The following STPG2 variants were observed in gnomAD, a reference collection of about 807,000 sequenced individuals.
The protein encoded by STPG2 is sperm-tail PG-rich repeat-containing protein 2.
A neutral mutation model predicts 54.2 loss-of-function variants in STPG2; 56 were observed. The ratio of observed to expected loss-of-function variants is 1.03; its 90% CI spans 0.83 to 1.29. STPG2 has a LOEUF of 1.29. Among genes scored for constraint, STPG2 ranks in the 50% most tolerant of loss-of-function variants. The probability of loss-of-function intolerance (pLI) is 0.00; values close to 1 mark genes in which losing one functional copy is unlikely to be tolerated. For synonymous variants in STPG2, 200 were observed against 181.8 expected, an observed-to-expected ratio of 1.10 and a Z score of -0.81; for missense variants, 596 against 544.9, an observed-to-expected ratio of 1.09 and a Z score of -0.93.
At chr4:97,901,428 T>C (rs1042859033) in intron 8 of STPG2, among the ~76,000 whole-genome samples, 3 of 151,944 alleles carry the variant, frequency 2.0e-5, no homozygotes, top group Non-Finnish European at 4.4e-5. Context: ...TTCTTACATA[T>C]AGAAAGCTCT....
At chr4:97,741,836 C>T (rs1368288547) in intron 9 of STPG2, among the ~76,000 whole-genome samples, 3 of 152,056 alleles carry the variant, frequency 2.0e-5, no homozygotes, top group Non-Finnish European at 4.4e-5. Context: ...ACTAGAAATA[C>T]CATTTGACCA....
chr4:98,001,646 C>G (rs574951758), intron 5 of STPG2, among the ~76,000 whole-genome samples: 1 of 152,216 alleles, frequency 6.6e-6, no homozygotes, highest in South Asian at 2.1e-4. Context: ...ACAGAGAATT[C>G]AAATGCCTGC....
intron 5 of STPG2, among the ~76,000 whole-genome samples, chr4:98,098,687 G>C (rs1738932751): frequency 6.6e-6 from 1 of 152,080 alleles, no homozygotes; most frequent in Non-Finnish European, 1.5e-5. Flanking sequence ...TGAAGAGACA[G>C]CTCACAGAAT....
intron 5 of STPG2, among the ~76,000 whole-genome samples, chr4:98,034,629 C>T (rs1240975074): frequency 1.3e-5 from 2 of 152,134 alleles, no homozygotes; most frequent in Non-Finnish European, 2.9e-5. Context: ...AAAAAAGAGC[C>T]CTCATAGACA....
intron 9 of STPG2, among the ~76,000 whole-genome samples, chr4:97,733,246 A>T (rs1724864945): frequency 6.6e-6 from 1 of 152,212 alleles, no homozygotes; most frequent in South Asian, 2.1e-4. Flanking sequence ...CACCACGGAA[A>T]ACTATTCAGC....
intron 4 of STPG2, among the ~76,000 whole-genome samples, chr4:97,525,088 A>G (rs1731255078): frequency 6.6e-6 from 1 of 151,954 alleles, no homozygotes; most frequent in South Asian, 2.1e-4. Context: ...TGAAGATGTT[A>G]TTTATAAAAG....
chr4:97,764,329 T>C (rs1422385053), intron 9 of STPG2, among the ~76,000 whole-genome samples: 1 of 152,116 alleles, frequency 6.6e-6, no homozygotes, highest in Non-Finnish European at 1.5e-5. Flanking sequence ...TACTTCAGTT[T>C]GCAATTAGAA....
chr4:97,946,282 A>G (rs1490509660), intron 7 of STPG2, among the ~76,000 whole-genome samples: 1 of 152,058 alleles, frequency 6.6e-6, no homozygotes, highest in Non-Finnish European at 1.5e-5. Flanking sequence ...TTCCTTGTAG[A>G]TTCTGCATAT....
chr4:97,598,064 A>T (rs1175167911), intron 10 of STPG2, among the ~76,000 whole-genome samples: 1 of 152,158 alleles, frequency 6.6e-6, no homozygotes, highest in Non-Finnish European at 1.5e-5. Flanking sequence ...AATAATGTAC[A>T]AAATCAGTAG....
chr4:97,974,917 GATGA>G (rs1477015745), intron 6 of STPG2, among the ~76,000 whole-genome samples: 2 of 152,098 alleles, frequency 1.3e-5, no homozygotes, highest in Admixed American at 1.3e-4. Context: ...TCCATCAGCT[GATGA>G]ATAAGTAAAC....
At chr4:97,842,857 T>G (rs1463857080) in intron 8 of STPG2, among the ~76,000 whole-genome samples, 1 of 151,914 alleles carries the variant, frequency 6.6e-6, no homozygotes, top group African/African-American at 2.4e-5. Context: ...TATTCCCTTC[T>G]TGTCTACTTT....
At chr4:97,796,017 C>T (rs981151665) in intron 9 of STPG2, among the ~76,000 whole-genome samples, 23 of 152,200 alleles carry the variant, frequency 1.5e-4, no homozygotes, top group African/African-American at 5.3e-4. Context: ...AGTGTCTGCT[C>T]ATATCCTTCG....
chr4:97,477,643 A>ATTT (rs561080941), intron 4 of STPG2, among the ~76,000 whole-genome samples: 53 of 141,252 alleles, frequency 3.8e-4, no homozygotes, highest in African/African-American at 1.3e-3. Flanking sequence ...TGCCCGGCTA[A>ATTT]TTTTTTTTTT....
intron 7 of STPG2, among the ~76,000 whole-genome samples, chr4:97,970,881 G>A (rs903618562): frequency 2.6e-5 from 4 of 152,090 alleles, no homozygotes; most frequent in Admixed American, 6.6e-5. Flanking sequence ...GCAACCTACA[G>A]AATGGGAGAA....
chr4:97,792,040 T>C (rs529830051), intron 9 of STPG2, among the ~76,000 whole-genome samples: 1 of 152,220 alleles, frequency 6.6e-6, no homozygotes, highest in South Asian at 2.1e-4. Context: ...TGTAAAGAGA[T>C]GACAATTAAA....
chr4:98,112,580 G>T (rs1322995857), intron 3 of STPG2, among the ~76,000 whole-genome samples: 1 of 152,100 alleles, frequency 6.6e-6, no homozygotes, highest in Non-Finnish European at 1.5e-5. Context: ...TTTAATGTTT[G>T]CATGAAGTAA....
intron 1 of STPG2, among the ~76,000 whole-genome samples, chr4:98,138,119 T>C (rs1336785863): frequency 6.6e-6 from 1 of 152,014 alleles, no homozygotes; most frequent in Non-Finnish European, 1.5e-5. Flanking sequence ...CATGCATGTA[T>C]GATAGGCAGT....
At chr4:97,888,029 C>G (rs1368313349) in intron 8 of STPG2, among the ~76,000 whole-genome samples, 1 of 152,166 alleles carries the variant, frequency 6.6e-6, no homozygotes, top group African/African-American at 2.4e-5. Context: ...TGTGGGTGCA[C>G]AGAGTGCAAG....
chr4:97,451,311 A>G lies in STPG2; in HGVS notation c.462+261388T>C, dbSNP rs555672929. 6.6e-5 allele frequency among the ~76,000 whole-genome samples: 10 copies of G among 152,184 alleles called. No homozygotes were observed. In the South Asian group the frequency reaches 1.7e-3, roughly 25 times the overall value. On this transcript the variant is annotated intron_variant, in intron 4 of 4. Coordinates refer to the STPG2 transcript ENST00000522676. Reference sequence around the variant, plus strand: ...AAATATGCCCATTATATTAAGAGAAATGGATATTAATTAATTTAGTTGAGG... The same window carrying G: ...AAATATGCCCATTATATTAAGAGAAGTGGATATTAATTAATTTAGTTGAGG...
Sources: allele counts gnomAD v4.1 joint callset (sites outside exome capture counted in the v4.1 genomes callset), GRCh38; gene constraint gnomAD v4.1.1; transcripts MANE v1.5; gene names NCBI Gene and HGNC (gene_info 2026-07-23, HGNC 2026-07-21).